RNASEH2B: variants seen among roughly 807,000 people sequenced by gnomAD.
RNASEH2B encodes ribonuclease H2 subunit B, also known as Aicardi-Goutieres syndrome 2 protein.
Under a neutral mutation model 45.0 loss-of-function variants are expected in RNASEH2B, and 36 were observed. The ratio of observed to expected loss-of-function variants is 0.80; its 90% confidence interval spans 0.61 to 1.06. The LOEUF (loss-of-function observed/expected upper bound fraction) is 1.06. Among genes scored for constraint, RNASEH2B ranks in the 50% least tolerant of loss-of-function variants. The pLI is 0.00. For missense variants in RNASEH2B, 361 were observed against 360.3 expected (o/e 1.00, Z -0.02); for synonymous variants, 119 against 125.7 (o/e 0.95, Z 0.35).
At chr13:50,969,082 A>C (rs1952193011) in intron 9 of RNASEH2B, among the ~76,000 whole-genome samples, 1 of 152,238 alleles carries the variant, frequency 6.6e-6, no homozygotes, top group African/African-American at 2.4e-5. Flanking sequence ...TGTGCTAGAC[A>C]TGTTGTAGAT....
chr13:50,934,831 T>A, intron 4 of RNASEH2B, 54 bp from the exon 5 acceptor site: 1 of 1,245,416 alleles, frequency 8.0e-7, no homozygotes, highest in Non-Finnish European at 1.2e-6. Flanking sequence ...TCTCTTTTTT[T>A]CTGAATGTCT....
chr13:50,963,274 C>T (rs1304193198), intron 9 of RNASEH2B, among the ~76,000 whole-genome samples: 1 of 152,160 alleles, frequency 6.6e-6, no homozygotes, highest in Non-Finnish European at 1.5e-5. Context: ...AAGTGATTCA[C>T]CTGCCTCAGC....
chr13:50,947,844 A>C (rs1370885749), intron 7 of RNASEH2B, 143 bp from the exon 8 acceptor site: 7 of 1,353,880 alleles, frequency 5.2e-6, no homozygotes. Flanking sequence ...CCATTTTACA[A>C]ATGAGAAAAC....
intron 9 of RNASEH2B, among the ~76,000 whole-genome samples, chr13:50,964,896 C>A (rs1459340742): frequency 6.7e-6 from 1 of 149,060 alleles, no homozygotes; most frequent in East Asian, 1.9e-4. Context: ...TATCACTTAT[C>A]TTAATCACTT....
intron 1 of RNASEH2B, among the ~76,000 whole-genome samples, chr13:50,926,363 G>A (rs777825406): frequency 3.3e-5 from 5 of 151,976 alleles, no homozygotes; most frequent in Non-Finnish European, 5.9e-5. Context: ...TTGCTCTTTT[G>A]GTAAATTGTT....
chr13:50,944,539 C>T (rs995975081), intron 6 of RNASEH2B, among the ~76,000 whole-genome samples: 1 of 152,180 alleles, frequency 6.6e-6, no homozygotes, highest in African/African-American at 2.4e-5. Context: ...TTGATGGGTG[C>T]AGCAAACCAC....
chr13:50,919,119 C>G (rs1021425775), intron 1 of RNASEH2B, among the ~76,000 whole-genome samples: 8 of 152,150 alleles, frequency 5.3e-5, no homozygotes, highest in Admixed American at 6.5e-5. Context: ...TGGCAAAAAT[C>G]ACTTGTCTTG....
At chr13:50,970,092 T>C in exon 10 of RNASEH2B, 1 of 820,270 alleles carries the variant, frequency 1.2e-6, no homozygotes. Flanking sequence ...TTTAAAGCGC[T>C]GACTGTAAAT....
intron 4 of RNASEH2B, among the ~76,000 whole-genome samples, chr13:50,932,273 G>A (rs1239711749): frequency 6.6e-6 from 1 of 152,170 alleles, no homozygotes; most frequent in Non-Finnish European, 1.5e-5. Context: ...CCAGCCCCAG[G>A]AGAACATGCT....
intron 1 of RNASEH2B, among the ~76,000 whole-genome samples, chr13:50,926,799 G>A (rs1250457508): frequency 6.7e-6 from 1 of 148,958 alleles, no homozygotes; most frequent in Non-Finnish European, 1.5e-5. Flanking sequence ...AAACATAGTC[G>A]ATATCCTTAG....
In RNASEH2B at chr13:50,934,958, C is replaced by G. The variant is rs749750512; in HGVS notation, c.395C>G (p.Pro132Arg). The part of the protein sequence containing the change: ...FPNCILLLKL[P>R]GLEKLLHHVT... The stretch of plus-strand genomic sequence containing the variant: ...AATTGCATCTTGTTGCTGAAACTTC[C>G]TGGACTTGAGAAGTTACTTCATCAT... The change falls in exon 5 of 11, where the codon CCT becomes CGT. Residue 132 changes from proline (P) to arginine (R), a missense_variant. Pro to Arg is a moderately radical substitution (Grantham distance 103). Transcript: ENST00000336617. 6.2e-7 allele frequency: 1 copy of G among 1,613,702 alleles called. No individual in the cohort carries two copies. Among genetic ancestry groups the G allele is most frequent in the Non-Finnish European group, 8.5e-7 (1 of 1,179,704 alleles).
At chr13:50,961,500 T>C (rs563744884), downstream of RNASEH2B, among the ~76,000 whole-genome samples, 1 of 152,320 alleles carries the variant, frequency 6.6e-6, no homozygotes, top group Admixed American at 6.5e-5. Flanking sequence ...TCAAGCTGAC[T>C]TGTGTATCTT....
downstream of RNASEH2B, among the ~76,000 whole-genome samples, chr13:50,960,537 G>A (rs985628554): frequency 6.6e-6 from 1 of 152,054 alleles, no homozygotes; most frequent in African/African-American, 2.4e-5. Flanking sequence ...AATTGGTGTT[G>A]GTTGTTATCA....
At chr13:50,946,292 G>T (rs1299636187) in intron 7 of RNASEH2B, among the ~76,000 whole-genome samples, 1 of 152,114 alleles carries the variant, frequency 6.6e-6, no homozygotes, top group Non-Finnish European at 1.5e-5. Context: ...CCAATTCATT[G>T]TTCCCTTATT....
intron 4 of RNASEH2B, among the ~76,000 whole-genome samples, chr13:50,932,319 C>T (rs1272817744): frequency 1.3e-5 from 2 of 152,180 alleles, no homozygotes; most frequent in African/African-American, 4.8e-5. Flanking sequence ...GTTAAGCAGC[C>T]AAAGGCCTTT....
Position 50,929,545 on chromosome 13 carries a change from A to C in RNASEH2B, c.207A>C (p.Lys69Asn). 1 of 1,613,230 alleles carries C rather than the reference A, an allele frequency of 6.2e-7. No homozygotes were observed. Among genetic ancestry groups the C allele is most frequent in the Non-Finnish European group, 8.5e-7 (1 of 1,179,266 alleles). Reference protein sequence around the residue: ...QLFEVKVFKEKHHSWFINQSV... With the variant: ...QLFEVKVFKENHHSWFINQSV... ...TTGAAGTAAAAGTTTTCAAGGAAAAACACCATTCTTGGTTTATAAATCAAT... is the reference window on the plus strand; with the variant it reads ...TTGAAGTAAAAGTTTTCAAGGAAAACCACCATTCTTGGTTTATAAATCAAT... The change falls in exon 3 of 11, where the codon AAA (lysine) becomes AAC (asparagine). Residue 69 changes from lysine to asparagine, a missense_variant. Physicochemically the swap from Lys to Asn is moderately conservative, Grantham distance 94 (BLOSUM62 0). Coordinates refer to ENST00000336617, the MANE Select transcript of RNASEH2B (RefSeq NM_024570.4).
At chr13:50,970,437 T>A (rs2138050191) in exon 10 of RNASEH2B, 2 of 218,868 alleles carry the variant, frequency 9.1e-6, no homozygotes, top group Middle Eastern at 3.0e-3. Context: ...CCAGGAGTTA[T>A]TAAACATTTC....
At chr13:50,956,899 A>AT (rs569597951), downstream of RNASEH2B, 13 of 298,854 alleles carry the variant, frequency 4.3e-5, no homozygotes, top group South Asian at 1.3e-3. Context: ...GTTTTTGGTA[A>AT]ATTTTTTTTT....
rs569343532 is a variant in RNASEH2B at position 50,934,939 on chromosome 13, A to T, written c.376A>T (p.Ile126Phe). The change falls in exon 5 of 11, where the codon ATC becomes TTC. Residue 126 changes from isoleucine (I) to phenylalanine (F), a missense_variant. By Grantham distance (21) the Ile-to-Phe change is conservative (BLOSUM62 0). Coordinates refer to ENST00000336617, the MANE Select transcript of RNASEH2B (RefSeq NM_024570.4). ...VVVDNVFPNCILLLKLPGLEK... is the reference protein window; with the variant it reads ...VVVDNVFPNCFLLLKLPGLEK... ...GGTGGATAACGTGTTTCCAAATTGC[A>T]TCTTGTTGCTGAAACTTCCTGGACT... 1 of 1,613,934 alleles carries T rather than the reference A, an allele frequency of 6.2e-7. No individual in the cohort carries two copies. Among genetic ancestry groups the T allele is most frequent in the African/African-American group, 1.3e-5 (1 of 74,898 alleles).
Sources: gnomAD v4.1 joint callset for allele counts (sites outside exome capture counted in the v4.1 genomes callset) on GRCh38, gnomAD v4.1.1 for gene constraint, MANE v1.5 for transcripts, NCBI Gene and HGNC (gene_info 2026-07-23, HGNC 2026-07-21) for gene names.